Variants in TRIOBP observed in about 807,000 individuals in gnomAD.
TRIOBP encodes TRIO and F-actin binding protein.
A neutral mutation model predicts 238.8 loss-of-function variants in TRIOBP; 169 were observed. The ratio of observed to expected loss-of-function variants is 0.71; its 90% CI spans 0.62 to 0.80. The LOEUF (loss-of-function observed/expected upper bound fraction) is 0.80. TRIOBP is among the 30% of genes least tolerant of loss of function. The pLI is 0.00. For missense variants in TRIOBP, 2,838 were observed against 3,122.6 expected, an observed-to-expected ratio of 0.91 and a Z score of 2.17; for synonymous variants, 1,150 against 1,274.4, an observed-to-expected ratio of 0.90 and a Z score of 2.08.
chr22:37,754,775 C>T (rs529202765), intron 12 of TRIOBP, 102 bp from the exon 13 acceptor site: 25 of 1,225,638 alleles, frequency 2.0e-5, no homozygotes, highest in Middle Eastern at 2.5e-4. Flanking sequence ...TGGCATTTTC[C>T]GCCTCCCCAC....
rs549245854 is a variant in TRIOBP at position 37,737,190 on chromosome 22, A to C, written c.5107-1452A>C. On this transcript the variant is annotated intron_variant, in intron 9 of 23. Coordinates refer to ENST00000644935, the MANE Select transcript of TRIOBP (RefSeq NM_001039141.3). Reference sequence around the variant, plus strand: ...TGGGTGCCACAGGCCGGCCAGGTCAAGAAGGAAGTTAGAAAGATTCTTCAG... The same window carrying C: ...TGGGTGCCACAGGCCGGCCAGGTCACGAAGGAAGTTAGAAAGATTCTTCAG... Among the ~76,000 whole-genome samples, 239 of 152,294 alleles carry C rather than the reference A, an allele frequency of 1.6e-3. 1 individual carries two copies. The highest frequency in any genetic ancestry group is 5.6e-3 in the African/African-American group (234 of 41,556).
Position 37,776,035 on chromosome 22 carries a change from C to G in TRIOBP, c.*2255C>G, listed in dbSNP as rs1469907099. 1 of 152,284 alleles carries G rather than the reference C, an allele frequency of 6.6e-6. No individual in the cohort carries two copies. The highest frequency in any genetic ancestry group is 2.4e-5 in the African/African-American group (1 of 41,438). The allele number at this position is 152,284 out of a possible 1,614,324, so 9.4% of individuals were successfully genotyped here. ...CCGTCCATCCTCACCATCCCACCGT[C>G]CCCCCAAGACAGCTCTCCATCCCAT... On this transcript the variant is annotated 3_prime_UTR_variant, in exon 24 of 24. Coordinates refer to ENST00000644935, the MANE Select transcript of TRIOBP (RefSeq NM_001039141.3).
chr22:37,757,875 G>GT lies in TRIOBP; in HGVS notation c.5950_5951insT (p.Glu1984ValfsTer8), dbSNP rs1926023493. The GT allele has an allele frequency of 6.4e-7, 1 of 1,552,810 alleles. No individual in the cohort carries two copies. Among genetic ancestry groups the GT allele is most frequent in the Non-Finnish European group, 8.7e-7 (1 of 1,148,488 alleles). ...GGAGCGGGACCTGGCCCAGCGCTCC[G>GT]AGGAGCGGCGCAAGTGGTTTGAGGC... On this transcript the variant is annotated frameshift_variant, in exon 16 of 24. Transcript: ENST00000644935. LOFTEE classifies it high-confidence loss of function.
intron 17 of TRIOBP, among the ~76,000 whole-genome samples, chr22:37,760,757 C>T (rs919637306): frequency 6.6e-5 from 10 of 151,988 alleles, no homozygotes; most frequent in East Asian, 3.9e-4. Flanking sequence ...GGGCAGATCA[C>T]GAGGTCAGGA....
At chr22:37,713,081 A>G (rs1464782080) in intron 4 of TRIOBP, 129 bp from the exon 5 acceptor site, 4 of 747,384 alleles carry the variant, frequency 5.4e-6, no homozygotes, top group Non-Finnish European at 8.7e-6. Flanking sequence ...GGCAGCTCTC[A>G]CCATTGGCTC....
chr22:37,768,245 TTGG>T, intron 19 of TRIOBP, 69 bp downstream of exon 19: 1 of 1,307,150 alleles, frequency 7.7e-7, no homozygotes, highest in Non-Finnish European at 1.1e-6. Context: ...CTGAGGCCCC[TTGG>T]CAGCGGACAC....
At chr22:37,703,444 G>GGTT (rs1922763955) in intron 3 of TRIOBP, among the ~76,000 whole-genome samples, 2 of 151,902 alleles carry the variant, frequency 1.3e-5, no homozygotes, top group Admixed American at 1.3e-4. Flanking sequence ...GAACCTCCGA[G>GGTT]GGCCCTTCCA....
Position 37,767,222 on chromosome 22 carries a change from G to GCCTGGGTGACAGAGTGAGACTCCGTCT in TRIOBP, c.6473-802_6473-776dup, listed in dbSNP as rs67029902. Among the ~76,000 whole-genome samples, 123 of 145,954 alleles carry GCCTGGGTGACAGAGTGAGACTCCGTCT rather than the reference G, an allele frequency of 8.4e-4. 3 individuals carry two copies. Among genetic ancestry groups the GCCTGGGTGACAGAGTGAGACTCCGTCT allele is most frequent in the South Asian group, 6.4e-3 (28 of 4,390 alleles). ...ACCAAGATTGTGCCACTGCACTCCA[G>GCCTGGGTGACAGAGTGAGACTCCGTCT]CCTGGGTGACAGAGTGAGACTCCGT... On this transcript the variant is annotated intron_variant, in intron 18 of 23. Coordinates refer to ENST00000644935, the MANE Select transcript of TRIOBP (RefSeq NM_001039141.3).
At chr22:37,698,622 G>A (rs1325497599) in intron 2 of TRIOBP, among the ~76,000 whole-genome samples, 6 of 151,896 alleles carry the variant, frequency 4.0e-5, no homozygotes, top group Non-Finnish European at 7.4e-5. Context: ...CAAAGTGCTG[G>A]GATTATAGGC....
At chr22:37,726,975 C>T (rs1402765685) in intron 7 of TRIOBP, among the ~76,000 whole-genome samples, 4 of 151,108 alleles carry the variant, frequency 2.6e-5, no homozygotes, top group African/African-American at 7.3e-5. Flanking sequence ...GGTGCAATCT[C>T]GGCTCACTGC....
rs372079149 is a variant in TRIOBP at position 37,723,266 on chromosome 22, G to A, written c.710G>A (p.Arg237Gln). 284 of 1,614,024 alleles carry A rather than the reference G, an allele frequency of 1.8e-4. 1 individual carries two copies. In the South Asian group the frequency reaches 2.0e-3, roughly 11 times the overall value. Residue 237 changes from arginine (R) to glutamine (Q), a missense_variant, in exon 7 of 24, where the codon CGG becomes CAG. Around this residue, in one of 5 missense-constraint regions of TRIOBP, gnomAD observed 535 missense variants for 537.3 expected, o/e 1.00. Transcript: ENST00000644935. ...GESGLSLERH[R>Q]STLTQASSMT... Reference sequence around the variant, plus strand: ...AGCGGGTTGTCCCTGGAGCGGCACCGGTCAACACTGACCCAGGCTTCCTCC... The same window carrying A: ...AGCGGGTTGTCCCTGGAGCGGCACCAGTCAACACTGACCCAGGCTTCCTCC...
At chr22:37,730,160 G>C (rs1164213820) in intron 7 of TRIOBP, among the ~76,000 whole-genome samples, 4 of 152,032 alleles carry the variant, frequency 2.6e-5, no homozygotes, top group Admixed American at 2.6e-4. Context: ...TGATGGCTTT[G>C]CTCCTTTAAT....
At chr22:37,744,377 C>T (rs1925113890) in intron 11 of TRIOBP, among the ~76,000 whole-genome samples, 2 of 152,168 alleles carry the variant, frequency 1.3e-5, no homozygotes, top group South Asian at 4.2e-4. Flanking sequence ...TGTGTCTCTC[C>T]AGCCTGTCAA....
Position 37,725,005 on chromosome 22 carries a change from AC to A in TRIOBP, c.2450del (p.Thr817IlefsTer62). 1 of 1,614,050 alleles carries A rather than the reference AC, an allele frequency of 6.2e-7. No homozygotes were observed. Among genetic ancestry groups the A allele is most frequent in the East Asian group, 2.2e-5 (1 of 44,896 alleles). ...AGCCACCCAACAGGACAACCCCAGA[AC>A]TTGTATTCAACAGAACATCCCCAGA... is the stretch of plus-strand genomic sequence containing the variant. ...IRATQQDNPR[T>X]CIQQNIPRSS... On this transcript the variant is annotated frameshift_variant, in exon 7 of 24. Transcript: ENST00000644935. LOFTEE classifies it high-confidence loss of function.
At chr22:37,740,641 C>A (rs914281037) in intron 10 of TRIOBP, among the ~76,000 whole-genome samples, 2 of 152,250 alleles carry the variant, frequency 1.3e-5, no homozygotes. Flanking sequence ...CTCCAGCTGG[C>A]GCCCGTGGTT....
intron 9 of TRIOBP, among the ~76,000 whole-genome samples, chr22:37,736,124 T>C (rs541515232): frequency 2.0e-5 from 3 of 152,252 alleles, no homozygotes; most frequent in African/African-American, 7.2e-5. Context: ...GGGCACACAG[T>C]AGGTGCTCGC....
At chr22:37,697,880 C>G (rs1922429451) in intron 2 of TRIOBP, among the ~76,000 whole-genome samples, 184 bp downstream of exon 2, 1 of 152,046 alleles carries the variant, frequency 6.6e-6, no homozygotes, top group Non-Finnish European at 1.5e-5. Context: ...TAGGGGCACC[C>G]AGAAAGGAGA....
At chr22:37,735,492 C>A in intron 9 of TRIOBP, 50 bp downstream of exon 9, 1 of 1,536,640 alleles carries the variant, frequency 6.5e-7, no homozygotes, top group Non-Finnish European at 8.7e-7. Flanking sequence ...CAGCCCCACT[C>A]AGCCAAGTCT....
intron 3 of TRIOBP, among the ~76,000 whole-genome samples, chr22:37,710,000 C>G (rs1391235187): frequency 6.6e-6 from 1 of 152,230 alleles, no homozygotes; most frequent in Non-Finnish European, 1.5e-5. Context: ...CCGCAAAAGA[C>G]CCTGGTGGAT....
Sources: allele counts gnomAD v4.1 joint callset (sites outside exome capture counted in the v4.1 genomes callset), GRCh38; gene constraint gnomAD v4.1.1; regional missense constraint gnomAD v4.1.1; transcripts MANE v1.5; gene names NCBI Gene and HGNC (gene_info 2026-07-23, HGNC 2026-07-21).